ATRNL1: variants seen among roughly 807,000 people sequenced by gnomAD.
The protein encoded by ATRNL1 is attractin like 1.
In ATRNL1, 95 loss-of-function variants were observed where a neutral mutation model predicts 182.7. The ratio of observed to expected loss-of-function variants is 0.52; its 90% CI spans 0.44 to 0.62. ATRNL1 has a LOEUF of 0.62. Ranked by LOEUF, ATRNL1 falls within the 20% of genes least tolerant of loss-of-function variation. The pLI, the probability that ATRNL1 is intolerant of heterozygous loss-of-function variation, is 0.00. For synonymous variants in ATRNL1, 576 were observed against 568.3 expected (o/e 1.01, Z -0.19); for missense variants, 1,471 against 1,679.5 (o/e 0.88, Z 2.17).
chr10:115,658,942 G>C (rs1555036872), intron 26 of ATRNL1, among the ~76,000 whole-genome samples: 1 of 152,162 alleles, frequency 6.6e-6, no homozygotes, highest in African/African-American at 2.4e-5. Flanking sequence ...GTGGCAGCAA[G>C]GAGAAGAATG....
rs1412899715 is a variant in ATRNL1 at position 115,189,661 on chromosome 10, C to T, written c.1348+18369C>T. On this transcript the variant is annotated intron_variant, in intron 8 of 28. Transcript: ENST00000355044. ...ATGTTTGTGTTTTAGGCTGTTATTA[C>T]AGAAGGATCAAAAAGTTAAAAAATT... 2.0e-5 allele frequency among the ~76,000 whole-genome samples: 3 copies of T among 151,992 alleles called. No homozygotes were observed. In the South Asian group the frequency reaches 6.2e-4, roughly 32 times the overall value.
At chr10:115,860,945 A>G (rs980081950) in intron 28 of ATRNL1, among the ~76,000 whole-genome samples, 4 of 152,184 alleles carry the variant, frequency 2.6e-5, no homozygotes, top group South Asian at 2.1e-4. Flanking sequence ...CAGTCCTTCC[A>G]TCTGGGCCTT....
intron 19 of ATRNL1, among the ~76,000 whole-genome samples, chr10:115,337,033 T>C (rs1396287598): frequency 6.6e-6 from 1 of 151,574 alleles, no homozygotes; most frequent in Admixed American, 6.6e-5. Flanking sequence ...TTTTTTTTTT[T>C]TGTATTTTTA....
intron 27 of ATRNL1, among the ~76,000 whole-genome samples, chr10:115,835,853 C>G (rs1555095244): frequency 6.6e-6 from 1 of 152,150 alleles, no homozygotes; most frequent in East Asian, 1.9e-4. Flanking sequence ...GGTTCAGAGA[C>G]TTAGCCTCTT....
intron 10 of ATRNL1, among the ~76,000 whole-genome samples, chr10:115,246,902 T>G (rs1448845397): frequency 3.3e-5 from 5 of 152,174 alleles, no homozygotes; most frequent in Non-Finnish European, 5.9e-5. Context: ...TTTGAGAGAC[T>G]GTATTGAATA....
intron 27 of ATRNL1, among the ~76,000 whole-genome samples, chr10:115,829,169 GA>G (rs1297135945): frequency 4.5e-4 from 68 of 150,090 alleles, no homozygotes; most frequent in African/African-American, 1.3e-3. Context: ...GCATTTGAGG[GA>G]AAAAAAAATG....
At chr10:115,448,550 A>G (rs933696101) in intron 21 of ATRNL1, among the ~76,000 whole-genome samples, 18 of 152,186 alleles carry the variant, frequency 1.2e-4, no homozygotes, top group Non-Finnish European at 2.1e-4. Flanking sequence ...TCAAAGGGCT[A>G]AATGCCCACA....
intron 27 of ATRNL1, among the ~76,000 whole-genome samples, chr10:115,823,659 A>C (rs536052351): frequency 7.9e-5 from 12 of 152,344 alleles, no homozygotes; most frequent in East Asian, 3.9e-4. Flanking sequence ...CCAAATCATG[A>C]GTGAATTCCC....
chr10:115,309,479 G>C (rs1399319770), intron 17 of ATRNL1, among the ~76,000 whole-genome samples: 1 of 151,818 alleles, frequency 6.6e-6, no homozygotes, highest in Non-Finnish European at 1.5e-5. Context: ...CTCCTTGTAG[G>C]GATAGTTTAC....
intron 8 of ATRNL1, among the ~76,000 whole-genome samples, chr10:115,199,013 A>G (rs1554891695): frequency 6.6e-6 from 1 of 152,002 alleles, no homozygotes; most frequent in Non-Finnish European, 1.5e-5. Context: ...TACTGATTTT[A>G]GGATTTTTAA....
chr10:115,490,033 A>G (rs1849219586), intron 24 of ATRNL1, among the ~76,000 whole-genome samples: 1 of 152,142 alleles, frequency 6.6e-6, no homozygotes, highest in African/African-American at 2.4e-5. Flanking sequence ...CTTTTCTTTA[A>G]GAATGTTAAA....
chr10:115,801,492 A>G (rs1949791582), intron 27 of ATRNL1, among the ~76,000 whole-genome samples: 1 of 152,228 alleles, frequency 6.6e-6, no homozygotes, highest in Non-Finnish European at 1.5e-5. Context: ...TATTTGCAAT[A>G]AAAATATTGG....
At chr10:115,725,327 C>G (rs567046026) in intron 26 of ATRNL1, among the ~76,000 whole-genome samples, 7 of 152,228 alleles carry the variant, frequency 4.6e-5, no homozygotes, top group African/African-American at 1.4e-4. Context: ...TAATAGATTA[C>G]AGTCCATGGA....
At chr10:115,912,413 TA>T (rs879958260) in intron 28 of ATRNL1, among the ~76,000 whole-genome samples, 179 of 62,780 alleles carry the variant, frequency 2.9e-3, no homozygotes, top group East Asian at 9.5e-3. Context: ...TATATATATA[TA>T]TTTGTGTGTG....
At chr10:115,417,521 T>C (rs1845450450) in intron 20 of ATRNL1, among the ~76,000 whole-genome samples, 1 of 152,216 alleles carries the variant, frequency 6.6e-6, no homozygotes, top group Non-Finnish European at 1.5e-5. Flanking sequence ...CTATCATATC[T>C]GTGCAGGGAC....
chr10:115,145,403 C>G (rs11597403), intron 5 of ATRNL1, among the ~76,000 whole-genome samples: 7,555 of 151,964 alleles, frequency 0.05, 262 homozygotes, highest in Middle Eastern at 0.15. Context: ...TGTTTCCATG[C>G]CACAATAGCA....
chr10:115,470,207 AATC>A (rs1286695900), intron 24 of ATRNL1, among the ~76,000 whole-genome samples: 1 of 150,332 alleles, frequency 6.7e-6, no homozygotes, highest in African/African-American at 2.4e-5. Flanking sequence ...TGATTTTTAA[AATC>A]ATATGTTTAC....
intron 13 of ATRNL1, among the ~76,000 whole-genome samples, chr10:115,272,941 A>G (rs1851935866): frequency 6.6e-6 from 1 of 152,178 alleles, no homozygotes; most frequent in Non-Finnish European, 1.5e-5. Context: ...AAGTTTACTG[A>G]TGGCAGTTAT....
At chr10:115,763,552 A>T (rs1450644759) in intron 27 of ATRNL1, among the ~76,000 whole-genome samples, 1 of 152,162 alleles carries the variant, frequency 6.6e-6, no homozygotes, top group Admixed American at 6.5e-5. Flanking sequence ...TGTGACATGG[A>T]GCCTAAGGAA....
Sources: allele counts gnomAD v4.1 joint callset (sites outside exome capture counted in the v4.1 genomes callset), GRCh38; gene constraint gnomAD v4.1.1; transcripts MANE v1.5; gene names NCBI Gene and HGNC (gene_info 2026-07-23, HGNC 2026-07-21).